COMMD10: variants seen among roughly 807,000 people sequenced by gnomAD.
The protein encoded by COMMD10 is COMM domain containing 10, also known as COMM domain-containing protein 10.
COMMD10 carries 33 observed loss-of-function variants against 28.9 expected under a neutral mutation model. The observed-to-expected ratio is 1.14, with a 90% CI of 0.87 to 1.53. The LOEUF is 1.53. Among genes scored for constraint, COMMD10 ranks in the 40% most tolerant of loss-of-function variants. The probability of loss-of-function intolerance (pLI) is 0.00; values close to 1 mark genes in which losing one functional copy is unlikely to be tolerated. For missense variants in COMMD10, 310 were observed against 233.4 expected (o/e 1.33, Z -2.14); for synonymous variants, 110 against 81.7 (o/e 1.35, Z -1.87).
At chr5:116,087,464 C>A in intron 1 of COMMD10, 33 bp from the exon 2 acceptor site, 1 of 1,378,776 alleles carries the variant, frequency 7.3e-7, no homozygotes, top group Non-Finnish European at 1.0e-6. Context: ...TTGGAAAACT[C>A]ATTTCAAAAC....
At chr5:116,209,660 C>T (rs114305023) in intron 5 of COMMD10, among the ~76,000 whole-genome samples, 1,578 of 152,146 alleles carry the variant, frequency 0.01, 35 homozygotes, top group African/African-American at 0.036. Flanking sequence ...AATTCAATAG[C>T]GGTTAGTAGC....
intron 4 of COMMD10, among the ~76,000 whole-genome samples, chr5:116,129,177 A>C (rs1200047668): frequency 6.6e-6 from 1 of 151,492 alleles, no homozygotes; most frequent in Non-Finnish European, 1.5e-5. Context: ...TTTTAAACTT[A>C]CAGAGAAGTT....
intron 5 of COMMD10, among the ~76,000 whole-genome samples, chr5:116,139,448 CAG>C (rs1752128141): frequency 6.6e-6 from 1 of 151,634 alleles, no homozygotes; most frequent in South Asian, 2.1e-4. Context: ...ATAGATTTCT[CAG>C]AGAAAAATAT....
intron 5 of COMMD10, among the ~76,000 whole-genome samples, chr5:116,142,860 G>T (rs1303365190): frequency 6.6e-6 from 1 of 151,534 alleles, no homozygotes; most frequent in African/African-American, 2.4e-5. Flanking sequence ...TTAGATAATT[G>T]CCAAGATACT....
intron 4 of COMMD10, among the ~76,000 whole-genome samples, chr5:116,126,662 C>A (rs1407818239): frequency 3.3e-5 from 5 of 151,836 alleles, no homozygotes; most frequent in Non-Finnish European, 7.4e-5. Context: ...CTGACAAAAA[C>A]AAGAAATGGG....
intron 5 of COMMD10, among the ~76,000 whole-genome samples, chr5:116,257,375 T>G (rs1750316746): frequency 6.6e-6 from 1 of 151,736 alleles, no homozygotes; most frequent in Admixed American, 6.6e-5. Context: ...ATGGGCTGCT[T>G]CTGTTTTTCT....
intron 5 of COMMD10, among the ~76,000 whole-genome samples, chr5:116,200,337 T>A (rs1461966059): frequency 6.6e-6 from 1 of 152,106 alleles, no homozygotes. Flanking sequence ...TTCACCACTT[T>A]GGCATCTTTC....
intron 5 of COMMD10, among the ~76,000 whole-genome samples, chr5:116,289,388 T>C (rs1233012752): frequency 1.3e-5 from 2 of 151,858 alleles, no homozygotes; most frequent in African/African-American, 4.9e-5. Flanking sequence ...GCATACTGGC[T>C]TTGTGCAGGG....
At chr5:116,113,175 G>T (rs1349143518) in intron 4 of COMMD10, among the ~76,000 whole-genome samples, 3 of 152,158 alleles carry the variant, frequency 2.0e-5, no homozygotes, top group African/African-American at 7.2e-5. Flanking sequence ...GTTTCTGCTG[G>T]GTAGTCTGCT....
chr5:116,264,301 T>C (rs865877271), intron 5 of COMMD10, among the ~76,000 whole-genome samples: 5 of 151,940 alleles, frequency 3.3e-5, no homozygotes, highest in South Asian at 2.1e-4. Context: ...AAATTTCGAA[T>C]ATACGTATGA....
intron 5 of COMMD10, among the ~76,000 whole-genome samples, chr5:116,179,929 A>G (rs1332005786): frequency 2.0e-5 from 3 of 152,068 alleles, no homozygotes; most frequent in Admixed American, 1.3e-4. Context: ...AAATAAAGGT[A>G]AGAAGAGTGT....
intron 5 of COMMD10, among the ~76,000 whole-genome samples, chr5:116,143,485 G>A (rs554619440): frequency 4.6e-5 from 7 of 151,712 alleles, no homozygotes; most frequent in African/African-American, 1.7e-4. Context: ...AAATTTTGTG[G>A]GATTCCATAG....
At chr5:116,199,350 A>G (rs1305154245) in intron 5 of COMMD10, among the ~76,000 whole-genome samples, 2 of 152,080 alleles carry the variant, frequency 1.3e-5, no homozygotes, top group African/African-American at 4.8e-5. Context: ...ATTTTGGATA[A>G]CATTCCTTTA....
At chr5:116,171,048 C>G (rs1245226987) in intron 5 of COMMD10, among the ~76,000 whole-genome samples, 1 of 152,132 alleles carries the variant, frequency 6.6e-6, no homozygotes, top group East Asian at 1.9e-4. Context: ...AGTGAAAAGA[C>G]TAGCTACAGA....
intron 5 of COMMD10, among the ~76,000 whole-genome samples, chr5:116,152,173 G>T (rs981689807): frequency 3.9e-5 from 6 of 152,134 alleles, no homozygotes; most frequent in Non-Finnish European, 5.9e-5. Context: ...GGTTTTGAGT[G>T]AGTTTCTTAA....
At position 116,179,100 on chromosome 5, in the gene COMMD10, T is replaced by G. The variant is rs986519398; in HGVS notation, c.510+44922T>G. ...TAGCTGAAAGAGAACCATTATGTTA[T>G]CAAACACTGTGTCATGCTTGCTGAG... On this transcript the variant is annotated intron_variant, in intron 5 of 6. Transcript: ENST00000274458. 1.1e-4 allele frequency among the ~76,000 whole-genome samples: 17 copies of G among 152,112 alleles called. 1 individual carries two copies. The highest frequency in any genetic ancestry group is 7.2e-4 in the Admixed American group (11 of 15,242).
At chr5:116,275,243 T>A (rs768889429) in intron 5 of COMMD10, among the ~76,000 whole-genome samples, 2 of 151,998 alleles carry the variant, frequency 1.3e-5, no homozygotes, top group South Asian at 2.1e-4. Context: ...TATAGTCTGT[T>A]GCTTCTATGC....
chr5:116,257,649 C>G (rs1750325338), intron 5 of COMMD10, among the ~76,000 whole-genome samples: 1 of 151,578 alleles, frequency 6.6e-6, no homozygotes, highest in Non-Finnish European at 1.5e-5. Flanking sequence ...TTTTAAACTT[C>G]ATGTTCTTTT....
chr5:116,090,675 A>G (rs1750265873), intron 2 of COMMD10, among the ~76,000 whole-genome samples: 1 of 152,338 alleles, frequency 6.6e-6, no homozygotes, highest in Non-Finnish European at 1.5e-5. Flanking sequence ...GGCAGCTTCA[A>G]GAAATGACTG....
Sources: gnomAD v4.1 joint callset for allele counts (sites outside exome capture counted in the v4.1 genomes callset) on GRCh38, gnomAD v4.1.1 for gene constraint, MANE v1.5 for transcripts, NCBI Gene and HGNC (gene_info 2026-07-23, HGNC 2026-07-21) for gene names.